WDR93: variants seen among roughly 807,000 people sequenced by gnomAD.
The protein encoded by WDR93 is WD repeat-containing protein 93.
Under a neutral mutation model 82.9 loss-of-function variants are expected in WDR93, and 73 were observed. The observed-to-expected ratio is 0.88, with a 90% CI of 0.73 to 1.07. The LOEUF (loss-of-function observed/expected upper bound fraction) is 1.07. WDR93 is among the 50% of genes least tolerant of loss of function. The pLI, the probability that WDR93 is intolerant of heterozygous loss-of-function variation, is 0.00. For missense variants in WDR93, 738 were observed against 826.0 expected (o/e 0.89, Z 1.31); for synonymous variants, 283 against 300.1 (o/e 0.94, Z 0.59).
At chr15:89,741,797 G>A (rs1204277446) in intron 16 of WDR93, among the ~76,000 whole-genome samples, 1 of 151,870 alleles carries the variant, frequency 6.6e-6, no homozygotes, top group Non-Finnish European at 1.5e-5. Context: ...CTGTCGCCAG[G>A]CTGGAGTGCA....
intron 16 of WDR93, among the ~76,000 whole-genome samples, chr15:89,740,518 T>A (rs1967581283): frequency 6.6e-6 from 1 of 152,216 alleles, no homozygotes; most frequent in Non-Finnish European, 1.5e-5. Context: ...TTTTTGTTTT[T>A]GAAACAGAGT....
intron 8 of WDR93, among the ~76,000 whole-genome samples, chr15:89,723,196 C>T (rs910962153): frequency 5.8e-5 from 7 of 119,676 alleles, no homozygotes; most frequent in African/African-American, 1.9e-4. Context: ...AGTGAAACCG[C>T]GTCATAAATA....
chr15:89,703,418 C>A, intron 3 of WDR93: 1 of 466,618 alleles, frequency 2.1e-6, no homozygotes, highest in Admixed American at 3.7e-5. Context: ...AGCTAAATAA[C>A]TTATTTGAGG....
chr15:89,717,098 T>C (rs1966300258), intron 7 of WDR93, 149 bp downstream of exon 7: 1 of 571,664 alleles, frequency 1.7e-6, no homozygotes, highest in Admixed American at 4.1e-5. Flanking sequence ...TTGCTCTTGT[T>C]GCTCAGGCTG....
At chr15:89,717,282 A>G (rs575138788) in intron 7 of WDR93, among the ~76,000 whole-genome samples, 28 of 150,864 alleles carry the variant, frequency 1.9e-4, no homozygotes, top group Middle Eastern at 3.4e-3. Context: ...CTGGTCTTCA[A>G]CTCCCGACCT....
intron 1 of WDR93, among the ~76,000 whole-genome samples, chr15:89,691,442 G>C (rs1964874964): frequency 6.6e-6 from 1 of 152,214 alleles, no homozygotes. Flanking sequence ...AAGGTCGGCC[G>C]GTGCTGTGGC....
rs115394125 is a variant in WDR93 at position 89,738,715 on chromosome 15, T to C, written c.1961+479T>C. ...AGCTGCACTCCACCTCACATGTGGA[T>C]TGGTAGAAAAAGAGTCATTAATTCA... On this transcript the variant is annotated intron_variant, in intron 16 of 16. Coordinates refer to ENST00000268130, the MANE Select transcript of WDR93 (RefSeq NM_020212.2). 7.9e-3 allele frequency among the ~76,000 whole-genome samples: 1,195 copies of C among 151,800 alleles called. 19 individuals carry two copies. The highest frequency in any genetic ancestry group is 0.028 in the African/African-American group (1,148 of 41,368).
At position 89,733,175 on chromosome 15, in the gene WDR93, G is replaced by C; in HGVS notation, c.1500G>C (p.Glu500Asp). 1 of 1,614,096 alleles carries C rather than the reference G, an allele frequency of 6.2e-7. No individual in the cohort carries two copies. Among genetic ancestry groups the C allele is most frequent in the African/African-American group, 1.3e-5 (1 of 75,054 alleles). ...CAGACGCCTCCCTCCATCTGGTGGA[G>C]GCTAGCGGGACCCAAGGACCCACCA... Reference protein sequence around the residue: ...LCTDASLHLVEASGTQGPTIS... With the variant: ...LCTDASLHLVDASGTQGPTIS... Residue 500 changes from glutamate (E) to aspartate (D), a missense_variant, in exon 13 of 17, where the codon GAG becomes GAC. Glu to Asp is a conservative substitution (Grantham distance 45). Transcript: ENST00000268130.
At chr15:89,702,905 A>G in intron 2 of WDR93, 45 bp from the exon 3 acceptor site, 1 of 1,584,882 alleles carries the variant, frequency 6.3e-7, no homozygotes, top group East Asian at 2.3e-5. Context: ...ATAATATTTG[A>G]AGACAGTGAC....
At chr15:89,724,246 G>A (rs1230775668) in intron 8 of WDR93, among the ~76,000 whole-genome samples, 2 of 152,120 alleles carry the variant, frequency 1.3e-5, no homozygotes, top group Admixed American at 6.5e-5. Flanking sequence ...GGAGGTTAAA[G>A]CGGGAGAATT....
intron 8 of WDR93, 36 bp downstream of exon 8, chr15:89,722,175 G>T: frequency 7.1e-7 from 1 of 1,410,778 alleles, no homozygotes; most frequent in South Asian, 1.3e-5. Context: ...TTTTGCCATT[G>T]ATTTATCTGT....
chr15:89,701,911 G>A lies in WDR93; in HGVS notation c.165G>A (p.Gln55=). 6.2e-7 allele frequency: 1 copy of A among 1,614,172 alleles called. No individual in the cohort carries two copies. The highest frequency in any genetic ancestry group is 8.5e-7 in the Non-Finnish European group (1 of 1,180,028). ...ATGAGGAGCTGGATTCCTTGCCTCAGCCTTATCGAATGATCAACAAGCTGG... is the reference window on the plus strand; with the variant it reads ...ATGAGGAGCTGGATTCCTTGCCTCAACCTTATCGAATGATCAACAAGCTGG... ...DPDEELDSLP[Q]PYRMINKLVN... Residue 55 remains glutamine (Q), a synonymous_variant, in exon 2 of 17, where the codon CAG becomes CAA. Coordinates refer to ENST00000268130, the MANE Select transcript of WDR93 (RefSeq NM_020212.2).
intron 1 of WDR93, among the ~76,000 whole-genome samples, chr15:89,693,237 T>C (rs184113991): frequency 2.1e-4 from 32 of 152,326 alleles, no homozygotes; most frequent in Admixed American, 1.6e-3. Flanking sequence ...AGGAATGTGA[T>C]TGCTGAAACA....
At position 89,743,279 on chromosome 15, in the gene WDR93, G is replaced by A. The variant is rs753694295; in HGVS notation, c.1962-13G>A. 3.1e-6 allele frequency: 5 copies of A among 1,614,062 alleles called. No homozygotes were observed. Among genetic ancestry groups the A allele is most frequent in the Non-Finnish European group, 4.2e-6 (5 of 1,179,914 alleles). ...AGAGGAGATTCCTCTCATCACAGTT[G>A]TGTGGCCCTCAGCTATCGGAAGCTG... On this transcript the variant is annotated splice_polypyrimidine_tract_variant and intron_variant, in intron 16 of 16. Coordinates refer to ENST00000268130, the MANE Select transcript of WDR93 (RefSeq NM_020212.2).
intron 16 of WDR93, among the ~76,000 whole-genome samples, chr15:89,738,491 G>C (rs146079566): frequency 6.6e-6 from 1 of 151,964 alleles, no homozygotes; most frequent in Non-Finnish European, 1.5e-5. Flanking sequence ...GCTGGGTGTG[G>C]TGGTACATGC....
intron 13 of WDR93, among the ~76,000 whole-genome samples, chr15:89,734,265 T>C (rs1365349112): frequency 1.3e-5 from 2 of 152,330 alleles, no homozygotes; most frequent in East Asian, 1.9e-4. Context: ...CAATTTGGAC[T>C]GGACTCAGTC....
chr15:89,722,681 G>A (rs1406460487), intron 8 of WDR93, among the ~76,000 whole-genome samples: 2 of 152,156 alleles, frequency 1.3e-5, no homozygotes, highest in African/African-American at 4.8e-5. Flanking sequence ...ACTTGCTAGG[G>A]AGTAAGGGAC....
At chr15:89,717,029 T>C (rs1179451516) in intron 7 of WDR93, 80 bp downstream of exon 7, 2 of 809,510 alleles carry the variant, frequency 2.5e-6, no homozygotes, top group Non-Finnish European at 3.6e-6. Flanking sequence ...ATTTTTCTTT[T>C]CTTTTCTTTT....
At chr15:89,741,348 C>T (rs1348655071) in intron 16 of WDR93, among the ~76,000 whole-genome samples, 1 of 152,094 alleles carries the variant, frequency 6.6e-6, no homozygotes, top group Non-Finnish European at 1.5e-5. Flanking sequence ...CTGCCTCAGC[C>T]TTCCGAGCAA....
Sources: allele counts gnomAD v4.1 joint callset (sites outside exome capture counted in the v4.1 genomes callset), GRCh38; gene constraint gnomAD v4.1.1; transcripts MANE v1.5; gene names NCBI Gene and HGNC (gene_info 2026-07-23, HGNC 2026-07-21).